Variants in CACNA1B observed in about 807,000 individuals in gnomAD.
CACNA1B encodes the protein voltage-dependent N-type calcium channel subunit alpha-1B.
In CACNA1B, 70 loss-of-function variants were observed where a neutral mutation model predicts 247.2. The ratio of observed to expected loss-of-function variants is 0.28; its 90% confidence interval spans 0.23 to 0.35. CACNA1B has a LOEUF of 0.35. CACNA1B is among the 10% of genes least tolerant of loss of function. The pLI is 1.00. For synonymous variants in CACNA1B, 1,231 were observed against 1,294.4 expected (o/e 0.95, Z 1.05); for missense variants, 2,367 against 3,197.4 (o/e 0.74, Z 6.26).
At chr9:137,962,049 A>G (rs1373019654) in intron 10 of CACNA1B, among the ~76,000 whole-genome samples, 2 of 152,144 alleles carry the variant, frequency 1.3e-5, no homozygotes, top group Non-Finnish European at 2.9e-5. Flanking sequence ...TACTGCCTCA[A>G]TTTTAGACCT....
rs2133256134 is a variant in CACNA1B, at chr9:137,899,541, T to C, written c.531-13639T>C. 6.6e-6 allele frequency among the ~76,000 whole-genome samples: 1 copy of C among 152,312 alleles called. No individual in the cohort carries two copies. ...GCCTAGCTCTTCTTCTCCCCTGTCCTTGCTTTGGAGCAGGCTAGGTGGCTC... is the reference window on the plus strand; with the variant it reads ...GCCTAGCTCTTCTTCTCCCCTGTCCCTGCTTTGGAGCAGGCTAGGTGGCTC... On this transcript the variant is annotated intron_variant, in intron 3 of 46. Transcript: ENST00000371372. This position sits in a 1 kb window ranked among gnomAD's most constrained non-coding sequence, Gnocchi z 5.0.
intron 15 of CACNA1B, among the ~76,000 whole-genome samples, chr9:137,994,378 A>C (rs916155704): frequency 6.6e-6 from 1 of 152,260 alleles, no homozygotes. Context: ...AAGAAAGGGC[A>C]TCCAAATCGG....
intron 15 of CACNA1B, among the ~76,000 whole-genome samples, chr9:137,998,507 G>T (rs966901853): frequency 6.6e-6 from 1 of 152,148 alleles, no homozygotes; most frequent in Non-Finnish European, 1.5e-5. Context: ...GCCTGAACCT[G>T]GGAGGCAGAG....
At chr9:137,910,869 G>A (rs956186991) in intron 3 of CACNA1B, among the ~76,000 whole-genome samples, 1 of 152,102 alleles carries the variant, frequency 6.6e-6, no homozygotes, top group Non-Finnish European at 1.5e-5. Flanking sequence ...TCTGATGCAC[G>A]GAACTTTTTA....
intron 15 of CACNA1B, among the ~76,000 whole-genome samples, chr9:138,002,373 T>A (rs950041778): frequency 9.2e-5 from 14 of 152,002 alleles, no homozygotes; most frequent in African/African-American, 3.4e-4. Flanking sequence ...ATTAGAAACC[T>A]AAATGTAAAA....
intron 10 of CACNA1B, among the ~76,000 whole-genome samples, chr9:137,967,541 C>G (rs946135706): frequency 2.0e-5 from 3 of 152,200 alleles, no homozygotes; most frequent in African/African-American, 7.2e-5. Flanking sequence ...CTGTCTCCTC[C>G]GTTTTAACTC....
intron 3 of CACNA1B, among the ~76,000 whole-genome samples, chr9:137,902,394 A>G (rs1432726241): frequency 6.6e-6 from 1 of 152,182 alleles, no homozygotes; most frequent in East Asian, 1.9e-4. Flanking sequence ...CTTGCTTTTC[A>G]GTAGGATTTT....
rs756336247 is a variant in CACNA1B at position 137,917,677 on chromosome 9, T to C, written c.966+246T>C. ...CCTGGAGTTGACTCCTTCGTGAAAATGAAGCAGAAGGCTGACTGGTGGAGG... is the reference window on the plus strand; with the variant it reads ...CCTGGAGTTGACTCCTTCGTGAAAACGAAGCAGAAGGCTGACTGGTGGAGG... On this transcript the variant is annotated intron_variant, in intron 6 of 46. Coordinates refer to ENST00000371372, the MANE Select transcript of CACNA1B (RefSeq NM_000718.4). This position sits in a 1 kb window ranked among gnomAD's most constrained non-coding sequence, Gnocchi z 5.5. Among the ~76,000 whole-genome samples the C allele has an allele frequency of 1.4e-4, 22 of 152,106 alleles. No individual in the cohort carries two copies. The highest frequency in any genetic ancestry group is 2.4e-4 in the Non-Finnish European group (16 of 68,014).
In CACNA1B at chr9:138,012,754, A is replaced by T. The variant is rs1441572613; in HGVS notation, c.2161-375A>T. 1.3e-5 allele frequency among the ~76,000 whole-genome samples: 2 copies of T among 151,828 alleles called. No homozygotes were observed. Among genetic ancestry groups the T allele is most frequent in the Non-Finnish European group, 2.9e-5 (2 of 67,976 alleles). ...CAAATAACAAAAAACAAAACAAACA[A>T]ATGGAAATATCCAGGCAGTGGCTGG... On this transcript the variant is annotated intron_variant, in intron 17 of 46. Transcript: ENST00000371372. This position sits in a 1 kb window ranked among gnomAD's most constrained non-coding sequence, Gnocchi z 4.2.
chr9:137,924,003 A>G (rs1957521444), intron 6 of CACNA1B, among the ~76,000 whole-genome samples: 1 of 151,980 alleles, frequency 6.6e-6, no homozygotes, highest in African/African-American at 2.4e-5. Flanking sequence ...TATTCTAGGA[A>G]CTGGTTCTTT....
intron 42 of CACNA1B, among the ~76,000 whole-genome samples, chr9:138,116,331 T>C (rs1803828775): frequency 1.3e-5 from 2 of 152,226 alleles, no homozygotes; most frequent in South Asian, 4.1e-4. Flanking sequence ...CTTGCCACAA[T>C]ATTTCCGGGT....
At chr9:137,947,808 G>A (rs1957813866) in intron 6 of CACNA1B, among the ~76,000 whole-genome samples, 1 of 151,630 alleles carries the variant, frequency 6.6e-6, no homozygotes, top group South Asian at 2.1e-4. Context: ...CATTTGAATT[G>A]TTTTCCCCAT....
At position 137,971,750 on chromosome 9, in the gene CACNA1B, G is replaced by A. The variant is rs1440384733; in HGVS notation, c.1543+158G>A. Reference sequence around the variant, plus strand: ...CCCTAGTCAGCCTCCAGGAGCCTCTGTGGGGGCCTGGGGTGTGTCCAGAGC... The same window carrying A: ...CCCTAGTCAGCCTCCAGGAGCCTCTATGGGGGCCTGGGGTGTGTCCAGAGC... On this transcript the variant is annotated intron_variant, in intron 11 of 46. Transcript: ENST00000371372. This position sits in a 1 kb window ranked among gnomAD's most constrained non-coding sequence, Gnocchi z 4.4. Among the ~76,000 whole-genome samples the A allele has an allele frequency of 6.6e-6, 1 of 152,164 alleles. No individual in the cohort carries two copies.
intron 20 of CACNA1B, among the ~76,000 whole-genome samples, chr9:138,030,487 A>C (rs757344524): frequency 6.6e-6 from 1 of 152,064 alleles, no homozygotes; most frequent in Non-Finnish European, 1.5e-5. Flanking sequence ...ATTTGCTAAT[A>C]TTTTGTTAAG....
At chr9:138,042,385 G>C (rs1959135461) in intron 20 of CACNA1B, among the ~76,000 whole-genome samples, 1 of 152,194 alleles carries the variant, frequency 6.6e-6, no homozygotes, top group Non-Finnish European at 1.5e-5. Flanking sequence ...AGGAGGCAGA[G>C]GTTGCAGGAT....
At chr9:138,042,066 C>T (rs1219752875) in intron 20 of CACNA1B, among the ~76,000 whole-genome samples, 1 of 152,230 alleles carries the variant, frequency 6.6e-6, no homozygotes, top group Non-Finnish European at 1.5e-5. Context: ...CCACCACACA[C>T]AGCTGTGGCA....
rs201748956 is a variant in CACNA1B at position 138,112,447 on chromosome 9, C to T, written c.5478C>T (p.Ser1826=). ...QCDAELRKEI[S]VVWANLPQKT... ...ACGCGGAGTTGAGGAAGGAGATTTC[C>T]GTTGTGTGGGCCAATCTGCCCCAGA... Residue 1826 remains serine, a synonymous_variant, in exon 40 of 47, where the codon TCC becomes TCT. Transcript: ENST00000371372. The T allele has an allele frequency of 6.8e-6, 11 of 1,613,592 alleles. No homozygotes were observed. The highest frequency in any genetic ancestry group is 1.6e-4 in the Middle Eastern group (1 of 6,084).
intron 34 of CACNA1B, 124 bp from the exon 35 acceptor site, chr9:138,075,695 G>A (rs1960291282): frequency 6.1e-6 from 4 of 654,588 alleles, no homozygotes; most frequent in Admixed American, 2.2e-5. Context: ...GTTCTCTGGT[G>A]TGGGGCAGTC....
At position 138,075,914 on chromosome 9, in the gene CACNA1B, T is replaced by C. The variant is rs1310288046; in HGVS notation, c.4949+4T>C. 1.3e-6 allele frequency: 2 copies of C among 1,598,262 alleles called. No homozygotes were observed. The highest frequency in any genetic ancestry group is 1.3e-5 in the African/African-American group (1 of 74,774). On this transcript the variant is annotated splice_donor_region_variant and intron_variant, in intron 35 of 46. Transcript: ENST00000371372. ...AAGCCCTGATGCTGCTGTTCAGGTG[T>C]GTTGTTCGGTCAGCCCAGGCCAATG...
Sources: gnomAD v4.1 joint callset for allele counts (sites outside exome capture counted in the v4.1 genomes callset) on GRCh38, gnomAD v4.1.1 for gene constraint, Gnocchi (gnomAD v3.1) non-coding constraint, MANE v1.5 for transcripts, NCBI Gene and HGNC (gene_info 2026-07-23, HGNC 2026-07-21) for gene names.